C11orf16: variants seen among roughly 807,000 people sequenced by gnomAD.
C11orf16 encodes the protein uncharacterized protein C11orf16.
C11orf16 carries 38 observed loss-of-function variants against 45.1 expected under a neutral mutation model. That is an observed-to-expected ratio of 0.84 (90% confidence interval 0.65 to 1.10). The LOEUF is 1.10. C11orf16 is among the 50% of genes least tolerant of loss of function. C11orf16 has a pLI of 0.00. For synonymous variants in C11orf16, 221 were observed against 222.0 expected, an observed-to-expected ratio of 1.00 and a Z score of 0.04; for missense variants, 583 against 569.5, an observed-to-expected ratio of 1.02 and a Z score of -0.24.
chr11:8,921,347 G>A lies in C11orf16; in HGVS notation c.1373C>T (p.Ala458Val). The A allele has an allele frequency of 1.2e-6, 2 of 1,614,104 alleles. No individual in the cohort carries two copies. The highest frequency in any genetic ancestry group is 8.5e-7 in the Non-Finnish European group (1 of 1,180,044). The change falls in exon 6 of 7, where the codon GCA becomes GTA. Residue 458 changes from alanine (A) to valine (V), a missense_variant. Transcript: ENST00000326053. ...GGAATTCTTGTTCCACTGACATATT[G>A]CAAGGCTCTGACTCCGCTTTCTGTG... is the stretch of plus-strand genomic sequence containing the variant. ...AEHRKRSQSL[A>V]ICQWNKNSR
chr11:8,928,635 C>T (rs1012817638), intron 3 of C11orf16, among the ~76,000 whole-genome samples: 6 of 152,208 alleles, frequency 3.9e-5, no homozygotes, highest in South Asian at 2.1e-4. Flanking sequence ...CAAGTAGCTG[C>T]GACTACAGCC....
intron 4 of C11orf16, among the ~76,000 whole-genome samples, chr11:8,926,553 C>T (rs985770440): frequency 3.3e-5 from 5 of 152,096 alleles, no homozygotes; most frequent in Admixed American, 2.6e-4. Context: ...AACCAAAATG[C>T]ATTCTCAGTA....
intron 1 of C11orf16, 55 bp from the exon 2 acceptor site, chr11:8,932,381 C>CCGGGGCGAGG: frequency 6.9e-7 from 1 of 1,443,918 alleles, no homozygotes; most frequent in African/African-American, 1.4e-5. Context: ...GCAGTGGCCA[C>CCGGGGCGAGG]CGGGGCGAGG....
intron 4 of C11orf16, 57 bp downstream of exon 4, chr11:8,926,883 G>T: frequency 1.4e-6 from 2 of 1,419,792 alleles, no homozygotes; most frequent in Non-Finnish European, 2.0e-6. Context: ...CTCTCCTCTG[G>T]CCTGATTACA....
Position 8,920,219 on chromosome 11 carries a change from C to A in C11orf16, c.*254G>T. On this transcript the variant is annotated 3_prime_UTR_variant, in exon 7 of 7. Transcript: ENST00000326053. ...CTTCCACGGAAGAGGCATCTTAAAGCAGTTTCACCAGGGCCCTGGCAGGGA... is the reference window on the plus strand; with the variant it reads ...CTTCCACGGAAGAGGCATCTTAAAGAAGTTTCACCAGGGCCCTGGCAGGGA... 1 of 395,100 alleles carries A rather than the reference C, an allele frequency of 2.5e-6. No individual in the cohort carries two copies. The highest frequency in any genetic ancestry group is 4.5e-6 in the Non-Finnish European group (1 of 224,176). 24.5% of individuals were successfully genotyped at this position (395,100 alleles called of 1,614,324 possible).
rs373251806 is a variant in C11orf16 at position 8,925,618 on chromosome 11, T to A, written c.1049A>T (p.Asp350Val). The change falls in exon 5 of 7, where the codon GAT becomes GTT. Residue 350 changes from aspartate (D) to valine (V), a missense_variant. Physicochemically the swap from Asp to Val is radical, Grantham distance 152 (BLOSUM62 -3). Transcript: ENST00000326053. Reference protein sequence around the residue: ...SSCEQDGVENDLEMGPPQRLM... With the variant: ...SSCEQDGVENVLEMGPPQRLM... ...TCTCTGGGGAGGGCCCATCTCCAGA[T>A]CATTCTCCACACCGTCTTGTTCACA... 1.2e-6 allele frequency: 2 copies of A among 1,614,234 alleles called. No individual in the cohort carries two copies. Among genetic ancestry groups the A allele is most frequent in the Non-Finnish European group, 1.7e-6 (2 of 1,180,036 alleles).
chr11:8,930,061 A>C (rs955493195), intron 2 of C11orf16, among the ~76,000 whole-genome samples: 2 of 152,036 alleles, frequency 1.3e-5, no homozygotes, highest in Non-Finnish European at 2.9e-5. Context: ...TAGAGGTTGC[A>C]GTGGGCTGAA....
At chr11:8,927,649 C>T (rs2064624151) in intron 3 of C11orf16, 2 of 456,464 alleles carry the variant, frequency 4.4e-6, no homozygotes, top group Admixed American at 4.7e-5. Context: ...AGGCAAGGAG[C>T]GATTGTGGCC....
rs1236665344 is a variant in C11orf16, at chr11:8,925,446, C to A, written c.1204+17G>T. On this transcript the variant is annotated intron_variant, in intron 5 of 6. Coordinates refer to ENST00000326053, the MANE Select transcript of C11orf16 (RefSeq NM_020643.3). ...CCAGCCCCTGCCTTAGAAAGCAAGC[C>A]CACTCCCCTGGTATACCTGGCTTCC... The A allele has an allele frequency of 1.9e-6, 3 of 1,602,428 alleles. No homozygotes were observed. In the African/African-American group the frequency reaches 4.0e-5, roughly 21 times the overall value.
In C11orf16 at chr11:8,922,364, C is replaced by A. The variant is rs75383286; in HGVS notation, c.1205-849G>T. Among the ~76,000 whole-genome samples, 185 of 144,000 alleles carry A rather than the reference C, an allele frequency of 1.3e-3. 1 individual carries two copies. The highest frequency in any genetic ancestry group is 3.5e-3 in the Middle Eastern group (1 of 286). 94.5% of individuals were successfully genotyped at this position (144,000 alleles called of 152,430 possible). A position where few individuals can be genotyped will look rare whatever the true frequency, so the allele number is the denominator to read the frequency against. ...CACCAGCCTGGGTGACATAGTGAGA[C>A]CCTGTCTCTAAAAATAAAAAAAAAA... On this transcript the variant is annotated intron_variant, in intron 5 of 6. Transcript: ENST00000326053.
At chr11:8,930,815 G>A (rs1589935857) in intron 2 of C11orf16, among the ~76,000 whole-genome samples, 1 of 152,148 alleles carries the variant, frequency 6.6e-6, no homozygotes, top group Admixed American at 6.5e-5. Context: ...GTGCTGAGGA[G>A]CTCCTGCAGA....
chr11:8,929,743 C>T (rs911557786), intron 2 of C11orf16, among the ~76,000 whole-genome samples: 2 of 152,172 alleles, frequency 1.3e-5, no homozygotes, highest in African/African-American at 2.4e-5. Flanking sequence ...GGGAACCATC[C>T]TTGGTGGATT....
chr11:8,924,173 A>C (rs995546709), intron 5 of C11orf16, among the ~76,000 whole-genome samples: 2 of 152,082 alleles, frequency 1.3e-5, no homozygotes, highest in Non-Finnish European at 2.9e-5. Flanking sequence ...CATTACAAAC[A>C]ATTTCTCAAC....
At chr11:8,924,918 G>A (rs1367440875) in intron 5 of C11orf16, among the ~76,000 whole-genome samples, 1 of 152,220 alleles carries the variant, frequency 6.6e-6, no homozygotes, top group Non-Finnish European at 1.5e-5. Flanking sequence ...GCTGCAGACT[G>A]CCAGCAGCAA....
rs1050740024 is a variant in C11orf16 at position 8,920,424 on chromosome 11, C to T, written c.*49G>A. 5.9e-6 allele frequency: 4 copies of T among 680,418 alleles called. No homozygotes were observed. The highest frequency in any genetic ancestry group is 3.1e-5 in the South Asian group (2 of 63,652). 42.1% of individuals were successfully genotyped at this position (680,418 alleles called of 1,614,324 possible). ...GTCAGCCACTCTGTATAACTCTCCT[C>T]GAATATTTACCATGTTTATTCTTTA... On this transcript the variant is annotated 3_prime_UTR_variant, in exon 7 of 7. Transcript: ENST00000326053.
At chr11:8,931,821 C>T (rs575370669) in intron 2 of C11orf16, among the ~76,000 whole-genome samples, 2 of 152,172 alleles carry the variant, frequency 1.3e-5, no homozygotes, top group African/African-American at 4.8e-5. Context: ...TGAGCCACTG[C>T]GCCCAGCCAA....
Position 8,920,223 on chromosome 11 carries a change from T to C in C11orf16, c.*250A>G, listed in dbSNP as rs1318386546. ...CACGGAAGAGGCATCTTAAAGCAGT[T>C]TCACCAGGGCCCTGGCAGGGAGCCC... On this transcript the variant is annotated 3_prime_UTR_variant, in exon 7 of 7. Coordinates refer to ENST00000326053, the MANE Select transcript of C11orf16 (RefSeq NM_020643.3). The C allele has an allele frequency of 2.5e-6, 1 of 395,772 alleles. No individual in the cohort carries two copies. Among genetic ancestry groups the C allele is most frequent in the Middle Eastern group, 6.2e-4 (1 of 1,604 alleles). 24.5% of individuals were successfully genotyped at this position (395,772 alleles called of 1,614,324 possible).
intron 5 of C11orf16, among the ~76,000 whole-genome samples, chr11:8,922,784 C>A (rs2064583999): frequency 6.6e-6 from 1 of 152,188 alleles, no homozygotes. Flanking sequence ...TTAAAAGATA[C>A]AAAACCTGGA....
chr11:8,925,141 AAGG>A (rs2064601028), intron 5 of C11orf16, among the ~76,000 whole-genome samples: 1 of 152,200 alleles, frequency 6.6e-6, no homozygotes, highest in South Asian at 2.1e-4. Flanking sequence ...TCCAAGAAAA[AAGG>A]AGGAGACTAA....
Sources: allele counts gnomAD v4.1 joint callset (sites outside exome capture counted in the v4.1 genomes callset), GRCh38; gene constraint gnomAD v4.1.1; transcripts MANE v1.5; gene names NCBI Gene and HGNC (gene_info 2026-07-23, HGNC 2026-07-21).